The following GUCY1A1 variants were observed in gnomAD, a reference collection of about 807,000 sequenced individuals.
The protein encoded by GUCY1A1 is guanylate cyclase soluble subunit alpha-1.
GUCY1A1 carries 48 observed loss-of-function variants against 64.5 expected under a neutral mutation model. The ratio of observed to expected loss-of-function variants is 0.74; its 90% CI spans 0.59 to 0.95. The LOEUF is 0.95. Among genes scored for constraint, GUCY1A1 ranks in the 40% least tolerant of loss-of-function variants. The pLI, the probability that GUCY1A1 is intolerant of heterozygous loss-of-function variation, is 0.00. For synonymous variants in GUCY1A1, 308 were observed against 303.4 expected (o/e 1.02, Z -0.16); for missense variants, 804 against 825.3 (o/e 0.97, Z 0.32).
intron 2 of GUCY1A1, among the ~76,000 whole-genome samples, chr4:155,684,954 T>G (rs1433025768): frequency 1.3e-5 from 2 of 152,290 alleles, no homozygotes; most frequent in Admixed American, 6.5e-5. Flanking sequence ...CAGATACAAT[T>G]TAGTCTTTGT....
chr4:155,674,311 G>A (rs747575941), intron 2 of GUCY1A1, among the ~76,000 whole-genome samples: 13 of 150,186 alleles, frequency 8.7e-5, no homozygotes, highest in Non-Finnish European at 1.3e-4. Context: ...CCAAGATTGC[G>A]CCACTGCACT....
At position 155,676,280 on chromosome 4, in the gene GUCY1A1, G is replaced by A. The variant is rs1426267049; in HGVS notation, c.-113+8861G>A. Among the ~76,000 whole-genome samples the A allele has an allele frequency of 2.8e-5, 4 of 142,460 alleles. No individual in the cohort carries two copies. The East Asian group carries it at 8.2e-4, about 29-fold the overall frequency. The allele number at this position is 142,460 out of a possible 152,430, so 93.5% of individuals were successfully genotyped here. A position where few individuals can be genotyped will look rare whatever the true frequency, so the allele number is the denominator to read the frequency against. On this transcript the variant is annotated intron_variant, in intron 2 of 9. Coordinates refer to ENST00000506455, the MANE Select transcript of GUCY1A1 (RefSeq NM_001130682.3). The stretch of plus-strand genomic sequence containing the variant: ...AAGAGGAAGACCAAAAGAAAGCAAA[G>A]AATGTCCTAAGAAGAGCTGGTTTTT...
chr4:155,698,616 C>CT (rs1337673127), intron 3 of GUCY1A1, among the ~76,000 whole-genome samples: 2 of 152,066 alleles, frequency 1.3e-5, no homozygotes, highest in Admixed American at 1.3e-4. Context: ...ATATTGGACT[C>CT]TTTTTTAAAA....
intron 2 of GUCY1A1, among the ~76,000 whole-genome samples, chr4:155,689,698 C>T (rs932480723): frequency 6.6e-6 from 1 of 152,162 alleles, no homozygotes; most frequent in Admixed American, 6.5e-5. Flanking sequence ...AGATTGCACT[C>T]ATCTTATTTT....
At chr4:155,706,750 G>T (rs1360850147) in intron 4 of GUCY1A1, among the ~76,000 whole-genome samples, 1 of 152,142 alleles carries the variant, frequency 6.6e-6, no homozygotes, top group African/African-American at 2.4e-5. Context: ...GAAGGTGAGG[G>T]TAGGAATTGT....
At chr4:155,723,689 G>A (rs1380273065) in intron 9 of GUCY1A1, among the ~76,000 whole-genome samples, 1 of 150,370 alleles carries the variant, frequency 6.7e-6, no homozygotes, top group Non-Finnish European at 1.5e-5. Context: ...TTGAGACTAA[G>A]TCTTGCTCTA....
intron 2 of GUCY1A1, among the ~76,000 whole-genome samples, chr4:155,671,166 G>A (rs1327291875): frequency 6.6e-6 from 1 of 151,864 alleles, no homozygotes; most frequent in Non-Finnish European, 1.5e-5. Context: ...ACCACATGGA[G>A]CTATGGTCTT....
At chr4:155,690,144 A>T (rs562631252) in intron 2 of GUCY1A1, among the ~76,000 whole-genome samples, 6 of 152,304 alleles carry the variant, frequency 3.9e-5, no homozygotes, top group African/African-American at 1.4e-4. Context: ...CTTGGTTAAG[A>T]TTGAATAACC....
chr4:155,709,588 C>G (rs1481966007), intron 5 of GUCY1A1, among the ~76,000 whole-genome samples: 1 of 152,184 alleles, frequency 6.6e-6, no homozygotes, highest in Non-Finnish European at 1.5e-5. Context: ...AATCCCAGCA[C>G]TTTAGGAGGC....
intron 3 of GUCY1A1, among the ~76,000 whole-genome samples, chr4:155,702,359 C>T (rs1359311184): frequency 6.6e-6 from 1 of 152,164 alleles, no homozygotes; most frequent in Non-Finnish European, 1.5e-5. Flanking sequence ...TAACTTTCTA[C>T]TGTACCAAGT....
intron 2 of GUCY1A1, among the ~76,000 whole-genome samples, chr4:155,678,790 C>T: frequency 6.6e-6 from 1 of 152,180 alleles, no homozygotes; most frequent in East Asian, 1.9e-4. Flanking sequence ...AACTGTTTTC[C>T]ATTCCCACCA....
At chr4:155,683,242 A>T (rs1179708756) in intron 2 of GUCY1A1, among the ~76,000 whole-genome samples, 2 of 152,216 alleles carry the variant, frequency 1.3e-5, no homozygotes, top group Non-Finnish European at 2.9e-5. Flanking sequence ...AATAATAAGT[A>T]AAATAGAAAA....
At chr4:155,687,722 T>A (rs952615416) in intron 2 of GUCY1A1, among the ~76,000 whole-genome samples, 5 of 152,196 alleles carry the variant, frequency 3.3e-5, no homozygotes, top group African/African-American at 1.2e-4. Context: ...TTCACTAATG[T>A]CGCAGAGTTA....
At chr4:155,699,099 A>G (rs970416246) in intron 3 of GUCY1A1, among the ~76,000 whole-genome samples, 5 of 149,700 alleles carry the variant, frequency 3.3e-5, no homozygotes, top group African/African-American at 1.3e-4. Context: ...ATTTGGTTGT[A>G]TCATATTTCC....
chr4:155,711,393 A>G (rs1732557249), intron 6 of GUCY1A1, 142 bp downstream of exon 6: 2 of 502,540 alleles, frequency 4.0e-6, no homozygotes, highest in Non-Finnish European at 6.9e-6. Flanking sequence ...GTAAAGCTGT[A>G]ATAAACTGAA....
intron 2 of GUCY1A1, among the ~76,000 whole-genome samples, chr4:155,677,507 A>G (rs754694021): frequency 1.2e-4 from 19 of 152,152 alleles, no homozygotes; most frequent in Non-Finnish European, 2.5e-4. Context: ...GTGGATTGAA[A>G]AAGTGTTCTA....
chr4:155,679,188 T>G (rs897395473), intron 2 of GUCY1A1, among the ~76,000 whole-genome samples: 2 of 147,856 alleles, frequency 1.4e-5, no homozygotes, highest in Non-Finnish European at 3.0e-5. Context: ...TATTTCATGT[T>G]TTTTTTTTCA....
In GUCY1A1 at chr4:155,734,050, A is replaced by C. The variant is rs35048728; in HGVS notation, c.*3819A>C. Among the ~76,000 whole-genome samples, 5,760 of 151,952 alleles carry C rather than the reference A, an allele frequency of 0.038. 139 individuals carry two copies. The highest frequency in any genetic ancestry group is 0.075 in the Middle Eastern group (22 of 294). ...GAGTTGCTTCAGCATTTTGACTAAC[A>C]TTTCTTCCAAATTTCTTCTCCCTGA... is the stretch of plus-strand genomic sequence containing the variant. On this transcript the variant is annotated 3_prime_UTR_variant, in exon 10 of 10. Transcript: ENST00000506455.
chr4:155,682,714 G>A (rs1223433144), intron 2 of GUCY1A1, among the ~76,000 whole-genome samples: 2 of 151,610 alleles, frequency 1.3e-5, no homozygotes, highest in African/African-American at 4.8e-5. Context: ...GTGTGTGTGT[G>A]TGTGTGTGTG....
Sources: gnomAD v4.1 joint callset for allele counts (sites outside exome capture counted in the v4.1 genomes callset) on GRCh38, gnomAD v4.1.1 for gene constraint, MANE v1.5 for transcripts, NCBI Gene and HGNC (gene_info 2026-07-23, HGNC 2026-07-21) for gene names.